CHMP4B: variants seen among roughly 807,000 people sequenced by gnomAD.
CHMP4B encodes the protein SNF7 homolog associated with Alix 1.
CHMP4B carries 1 observed loss-of-function variant against 25.1 expected under a neutral mutation model. The ratio of observed to expected loss-of-function variants is 0.04; its 90% CI spans 0.01 to 0.19. The LOEUF is 0.19. CHMP4B is among the 10% of genes least tolerant of loss of function. CHMP4B has a pLI of 1.00. For synonymous variants in CHMP4B, 101 were observed against 115.6 expected, an observed-to-expected ratio of 0.87 and a Z score of 0.81; for missense variants, 151 against 289.7, an observed-to-expected ratio of 0.52 and a Z score of 3.48.
intron 1 of CHMP4B, among the ~76,000 whole-genome samples, chr20:33,828,173 A>G (rs1979144588): frequency 6.6e-6 from 1 of 152,186 alleles, no homozygotes; most frequent in Non-Finnish European, 1.5e-5. Context: ...CCTGTCTCTT[A>G]AGCAGTTCTG....
At position 33,852,763 on chromosome 20, in the gene CHMP4B, G is replaced by A. The variant is rs191116519; in HGVS notation, c.610+560G>A. On this transcript the variant is annotated intron_variant, in intron 4 of 4. Coordinates refer to ENST00000217402, the MANE Select transcript of CHMP4B (RefSeq NM_176812.5). The stretch of plus-strand genomic sequence containing the variant: ...CTGCCCCTCTAGTATCCTGTGCTGC[G>A]CACCCTGCAAAAGCCCCGGCCCCTA... 1.3e-4 allele frequency among the ~76,000 whole-genome samples: 20 copies of A among 152,282 alleles called. No individual in the cohort carries two copies. In the South Asian group the frequency reaches 2.1e-3, roughly 16 times the overall value.
intron 4 of CHMP4B, among the ~76,000 whole-genome samples, 153 bp from the exon 5 acceptor site, chr20:33,853,343 A>ACCAAGGAGCAGTCT (rs1461937270): frequency 6.6e-6 from 1 of 152,048 alleles, no homozygotes; most frequent in Admixed American, 6.6e-5. Context: ...GCTTTTAGGC[A>ACCAAGGAGCAGTCT]CCAAGGAGCA....
chr20:33,824,620 C>T (rs796929287), intron 1 of CHMP4B, among the ~76,000 whole-genome samples: 15 of 152,332 alleles, frequency 9.8e-5, no homozygotes, highest in African/African-American at 2.4e-4. Context: ...TATCTTTTCC[C>T]GCAATAAGCT....
chr20:33,837,838 A>G (rs1032729957), intron 1 of CHMP4B, among the ~76,000 whole-genome samples: 1 of 152,252 alleles, frequency 6.6e-6, no homozygotes, highest in Non-Finnish European at 1.5e-5. Flanking sequence ...CATTTTCTGG[A>G]TCACACAAGA....
At chr20:33,842,293 G>C (rs1979565443) in intron 1 of CHMP4B, among the ~76,000 whole-genome samples, 1 of 152,120 alleles carries the variant, frequency 6.6e-6, no homozygotes, top group Non-Finnish European at 1.5e-5. Flanking sequence ...GGCATGTTCA[G>C]GGTGGTATGG....
intron 1 of CHMP4B, among the ~76,000 whole-genome samples, chr20:33,839,057 G>A (rs1337535285): frequency 6.6e-6 from 1 of 152,154 alleles, no homozygotes; most frequent in African/African-American, 2.4e-5. Flanking sequence ...TAGGCTCATT[G>A]TCCCTAATAA....
chr20:33,844,145 A>T (rs1601327181), intron 1 of CHMP4B, among the ~76,000 whole-genome samples: 1 of 152,242 alleles, frequency 6.6e-6, no homozygotes, highest in East Asian at 1.9e-4. Flanking sequence ...CACACCTTAC[A>T]GCCAGGTGCT....
intron 1 of CHMP4B, among the ~76,000 whole-genome samples, chr20:33,821,292 C>T (rs1304411190): frequency 2.0e-5 from 3 of 148,618 alleles, no homozygotes; most frequent in Admixed American, 6.9e-5. Flanking sequence ...GAGGCTAAAG[C>T]AGGAGAATCG....
chr20:33,812,142 C>T (rs1044633985), intron 1 of CHMP4B, among the ~76,000 whole-genome samples: 1 of 152,188 alleles, frequency 6.6e-6, no homozygotes, highest in African/African-American at 2.4e-5. Context: ...TCAGAATTCT[C>T]GTTGAAAAGC....
chr20:33,853,554 C>A lies in CHMP4B; in HGVS notation c.669C>A (p.Ser223=). The A allele has an allele frequency of 6.2e-7, 1 of 1,613,758 alleles. No individual in the cohort carries two copies. Among genetic ancestry groups the A allele is most frequent in the Non-Finnish European group, 8.5e-7 (1 of 1,179,870 alleles). ...DMKELENWAG[S]M The stretch of plus-strand genomic sequence containing the variant: ...AGGAATTGGAGAACTGGGCTGGATC[C>A]ATGTAATGGGGTCCAGCGCTGGCTG... Residue 223 remains serine (S), a synonymous_variant, in exon 5 of 5, where the codon TCC becomes TCA. Transcript: ENST00000217402.
At chr20:33,833,991 T>C (rs1035978608) in intron 1 of CHMP4B, among the ~76,000 whole-genome samples, 4 of 152,250 alleles carry the variant, frequency 2.6e-5, no homozygotes, top group Admixed American at 2.6e-4. Context: ...TCTAAGCCGT[T>C]GCATCCTTTG....
intron 3 of CHMP4B, 54 bp downstream of exon 3, chr20:33,851,120 T>TC: frequency 9.0e-7 from 1 of 1,111,298 alleles, no homozygotes; most frequent in Non-Finnish European, 1.4e-6. Context: ...CCTGAGGCTG[T>TC]CCCTTGATGT....
intron 1 of CHMP4B, among the ~76,000 whole-genome samples, chr20:33,828,581 C>G (rs998328595): frequency 6.6e-6 from 1 of 152,262 alleles, no homozygotes; most frequent in East Asian, 1.9e-4. Flanking sequence ...TTCTGACTCT[C>G]TGTGTGACCA....
intron 1 of CHMP4B, among the ~76,000 whole-genome samples, chr20:33,834,523 G>A (rs1057248701): frequency 6.6e-6 from 1 of 152,140 alleles, no homozygotes; most frequent in African/African-American, 2.4e-5. Flanking sequence ...ACGTTGCTCA[G>A]TCCCAAGCTG....
intron 1 of CHMP4B, among the ~76,000 whole-genome samples, chr20:33,825,974 T>G (rs1307097725): frequency 6.6e-6 from 1 of 152,132 alleles, no homozygotes; most frequent in East Asian, 1.9e-4. Flanking sequence ...GAAAAAAGGT[T>G]GTTAAGTTCC....
rs1979846534 is a variant in CHMP4B, at chr20:33,851,478, A to T, written c.483+412A>T. On this transcript the variant is annotated intron_variant, in intron 3 of 4. Coordinates refer to ENST00000217402, the MANE Select transcript of CHMP4B (RefSeq NM_176812.5). ...TACCCCTGACCCGGGGTATCTGTCTAGATCTCGGCCATCTGCCAGTTTCTG... is the reference window on the plus strand; with the variant it reads ...TACCCCTGACCCGGGGTATCTGTCTTGATCTCGGCCATCTGCCAGTTTCTG... 2.6e-5 allele frequency among the ~76,000 whole-genome samples: 4 copies of T among 152,088 alleles called. No individual in the cohort carries two copies. In the South Asian group the frequency reaches 8.3e-4, roughly 32 times the overall value.
chr20:33,816,387 T>C (rs994806088), intron 1 of CHMP4B, among the ~76,000 whole-genome samples: 1 of 152,236 alleles, frequency 6.6e-6, no homozygotes, highest in Non-Finnish European at 1.5e-5. Flanking sequence ...ATTGAGTAAG[T>C]GTACTTTTCT....
chr20:33,814,976 ATC>A (rs1419410710), intron 1 of CHMP4B, among the ~76,000 whole-genome samples: 1 of 152,160 alleles, frequency 6.6e-6, no homozygotes, highest in Non-Finnish European at 1.5e-5. Context: ...GAGTCATCAT[ATC>A]TGTTTGGAAT....
chr20:33,832,663 C>A (rs965378524), intron 1 of CHMP4B, among the ~76,000 whole-genome samples: 5 of 152,042 alleles, frequency 3.3e-5, no homozygotes, highest in Non-Finnish European at 4.4e-5. Context: ...GTAGTCTCTG[C>A]AATTAAAAAC....
Sources: gnomAD v4.1 joint callset for allele counts (sites outside exome capture counted in the v4.1 genomes callset) on GRCh38, gnomAD v4.1.1 for gene constraint, MANE v1.5 for transcripts, NCBI Gene and HGNC (gene_info 2026-07-23, HGNC 2026-07-21) for gene names.